The following GAREM1 variants were observed in gnomAD, a reference collection of about 807,000 sequenced individuals.
GAREM1 encodes GRB2 associated regulator of MAPK1 subtype 1.
A neutral mutation model predicts 71.3 loss-of-function variants in GAREM1; 26 were observed. That is an observed-to-expected ratio of 0.36 (90% CI 0.27 to 0.51). GAREM1 has a LOEUF of 0.51. GAREM1 is among the 20% of genes least tolerant of loss of function. The probability of loss-of-function intolerance (pLI) is 0.95; values close to 1 mark genes in which losing one functional copy is unlikely to be tolerated. For synonymous variants in GAREM1, 440 were observed against 433.2 expected, an observed-to-expected ratio of 1.02 and a Z score of -0.20; for missense variants, 1,026 against 1,103.1, an observed-to-expected ratio of 0.93 and a Z score of 0.99.
intron 1 of GAREM1, among the ~76,000 whole-genome samples, chr18:32,430,964 A>G (rs1283889737): frequency 1.3e-5 from 2 of 152,196 alleles, no homozygotes; most frequent in Non-Finnish European, 2.9e-5. Context: ...CAGGGATATC[A>G]CAGAGAGAAA....
At position 32,287,237 on chromosome 18, in the gene GAREM1, C is replaced by A; in HGVS notation, c.1360G>T (p.Glu454Ter). 1 of 1,614,198 alleles carries A rather than the reference C, an allele frequency of 6.2e-7. No homozygotes were observed. Among genetic ancestry groups the A allele is most frequent in the Non-Finnish European group, 8.5e-7 (1 of 1,180,020 alleles). Residue 454 changes from glutamate (E) to a stop codon, truncating the protein, a stop_gained, in exon 4 of 6, where the codon GAA (glutamate) becomes TAA (stop). Coordinates refer to ENST00000269209, the MANE Select transcript of GAREM1 (RefSeq NM_001242409.2). LOFTEE classifies it high-confidence loss of function. This position sits in a 1 kb window ranked among gnomAD's most constrained non-coding sequence, Gnocchi z 5.9. The part of the protein sequence containing the change: ...GIPGKSELPY[E>*]ELWLEEGKPS... ...TTGCCTTCCTCCAGCCACAGCTCTT[C>A]GTAGGGAAGTTCTGACTTTCCCGGG...
chr18:32,388,830 G>A (rs575115111), intron 2 of GAREM1, among the ~76,000 whole-genome samples: 3 of 152,098 alleles, frequency 2.0e-5, no homozygotes, highest in East Asian at 1.9e-4. Flanking sequence ...TCCCAGAGGC[G>A]GAAAAAATGC....
intron 1 of GAREM1, among the ~76,000 whole-genome samples, chr18:32,402,289 T>TA (rs996089470): frequency 3.3e-5 from 5 of 152,164 alleles, no homozygotes; most frequent in African/African-American, 1.2e-4. Context: ...GCTTCTGGGA[T>TA]ATGCTTGGAT....
At position 32,266,873 on chromosome 18, in the gene GAREM1, C is replaced by T. The variant is rs944527461; in HGVS notation, c.*998G>A. 1 of 152,190 alleles carries T rather than the reference C, an allele frequency of 6.6e-6. No homozygotes were observed. Among genetic ancestry groups the T allele is most frequent in the Non-Finnish European group, 1.5e-5 (1 of 68,028 alleles). The allele number at this position is 152,190 out of a possible 1,614,324, so 9.4% of individuals were successfully genotyped here. On this transcript the variant is annotated 3_prime_UTR_variant, in exon 6 of 6. Transcript: ENST00000269209. ...CAACAGAAACTGTCATTTCCCCAGA[C>T]ATCATGGGAGTATTACATGCAAAAA...
intron 1 of GAREM1, among the ~76,000 whole-genome samples, chr18:32,400,503 A>T (rs2144670195): frequency 6.6e-6 from 1 of 152,354 alleles, no homozygotes; most frequent in South Asian, 2.1e-4. Flanking sequence ...CCCATCAACA[A>T]GTGGGTGAAG....
intron 2 of GAREM1, among the ~76,000 whole-genome samples, chr18:32,311,479 C>T (rs567567883): frequency 6.6e-6 from 1 of 152,278 alleles, no homozygotes; most frequent in South Asian, 2.1e-4. Flanking sequence ...TACTATAATA[C>T]ATGAGTAAGA....
intron 1 of GAREM1, among the ~76,000 whole-genome samples, chr18:32,409,777 C>T (rs573820961): frequency 6.2e-4 from 94 of 152,218 alleles, no homozygotes; most frequent in African/African-American, 2.1e-3. Context: ...AAGATTTCTA[C>T]GCCAAGCAAC....
chr18:32,359,931 T>TATAA (rs146487300), intron 2 of GAREM1, among the ~76,000 whole-genome samples: 12,500 of 149,812 alleles, frequency 0.083, 794 homozygotes, highest in African/African-American at 0.18. Flanking sequence ...GTCTCTTAAA[T>TATAA]ATAAATAAAT....
rs540430227 is a variant in GAREM1 at position 32,324,591 on chromosome 18, T to C, written c.263-14268A>G. Among the ~76,000 whole-genome samples the C allele has an allele frequency of 1.1e-4, 16 of 152,296 alleles. No homozygotes were observed. In the South Asian group the frequency reaches 3.3e-3, roughly 32 times the overall value. On this transcript the variant is annotated intron_variant, in intron 2 of 5. Coordinates refer to ENST00000269209, the MANE Select transcript of GAREM1 (RefSeq NM_001242409.2). ...GGAGTATAGAGCACACACAGTATTA[T>C]CAAAAGAGGATAGGAGGACAGTCCA...
intron 2 of GAREM1, among the ~76,000 whole-genome samples, chr18:32,391,291 T>A (rs188892615): frequency 1.3e-5 from 2 of 152,080 alleles, no homozygotes; most frequent in Non-Finnish European, 2.9e-5. Context: ...CTCTTCGGAA[T>A]AGAAAAGATC....
At chr18:32,434,925 C>G (rs190686902) in intron 1 of GAREM1, among the ~76,000 whole-genome samples, 3 of 152,072 alleles carry the variant, frequency 2.0e-5, no homozygotes, top group African/African-American at 7.2e-5. Context: ...AGAGACCACC[C>G]TAACCGATAA....
Position 32,361,533 on chromosome 18 carries a change from C to T in GAREM1, c.262+31362G>A, listed in dbSNP as rs905084425. On this transcript the variant is annotated intron_variant, in intron 2 of 5. Coordinates refer to ENST00000269209, the MANE Select transcript of GAREM1 (RefSeq NM_001242409.2). ...ACCACAAATTCATCTGGTGCAGAGG[C>T]GAACTCTCTTCAAGTTTTGATTTTA... is the stretch of plus-strand genomic sequence containing the variant. Among the ~76,000 whole-genome samples, 4 of 152,112 alleles carry T rather than the reference C, an allele frequency of 2.6e-5. No individual in the cohort carries two copies. The East Asian group carries it at 5.8e-4, about 22-fold the overall frequency.
At chr18:32,364,850 T>A (rs903075730) in intron 2 of GAREM1, among the ~76,000 whole-genome samples, 1 of 151,462 alleles carries the variant, frequency 6.6e-6, no homozygotes, top group African/African-American at 2.4e-5. Flanking sequence ...GAATGTACCA[T>A]GTGCGAGGCA....
chr18:32,339,831 C>T (rs2047632093), intron 2 of GAREM1, among the ~76,000 whole-genome samples: 1 of 152,224 alleles, frequency 6.6e-6, no homozygotes, highest in East Asian at 1.9e-4. Context: ...TTCACATCCA[C>T]TCCACACATA....
At chr18:32,275,364 G>C (rs773183512) in intron 4 of GAREM1, among the ~76,000 whole-genome samples, 1 of 152,210 alleles carries the variant, frequency 6.6e-6, no homozygotes, top group Non-Finnish European at 1.5e-5. Flanking sequence ...AGGGGCCCCT[G>C]TATTATCAGG....
At chr18:32,454,329 T>C (rs1426274573) in intron 1 of GAREM1, among the ~76,000 whole-genome samples, 1 of 151,880 alleles carries the variant, frequency 6.6e-6, no homozygotes, top group Non-Finnish European at 1.5e-5. Flanking sequence ...CAAGACACAA[T>C]GCTGCTGATA....
chr18:32,336,385 G>T (rs535712533), intron 2 of GAREM1, among the ~76,000 whole-genome samples: 1 of 147,748 alleles, frequency 6.8e-6, no homozygotes, highest in Admixed American at 6.8e-5. Context: ...AGCGAAGATC[G>T]CGCCACTGCA....
chr18:32,358,644 C>T (rs80355964), intron 2 of GAREM1, among the ~76,000 whole-genome samples: 3,543 of 152,182 alleles, frequency 0.023, 100 homozygotes, highest in East Asian at 0.084. Flanking sequence ...TAGAAGCCAC[C>T]GTAACAACTT....
At chr18:32,408,821 G>T (rs910801697) in intron 1 of GAREM1, among the ~76,000 whole-genome samples, 16 of 152,086 alleles carry the variant, frequency 1.1e-4, no homozygotes, top group Admixed American at 1.1e-3. Flanking sequence ...AATCAGAAAG[G>T]TTTTTTCCTT....
Sources: gnomAD v4.1 joint callset for allele counts (sites outside exome capture counted in the v4.1 genomes callset) on GRCh38, gnomAD v4.1.1 for gene constraint, Gnocchi (gnomAD v3.1) non-coding constraint, MANE v1.5 for transcripts, NCBI Gene and HGNC (gene_info 2026-07-23, HGNC 2026-07-21) for gene names.